Variants in PLXNA2 observed in about 807,000 individuals in gnomAD.
The protein encoded by PLXNA2 is plexin A2.
PLXNA2 carries 91 observed loss-of-function variants against 193.5 expected under a neutral mutation model. The observed-to-expected ratio is 0.47, with a 90% CI of 0.40 to 0.56. The LOEUF (loss-of-function observed/expected upper bound fraction) is 0.56. PLXNA2 is among the 20% of genes least tolerant of loss of function. The pLI is 0.00. For missense variants in PLXNA2, 1,995 were observed against 2,503.2 expected, an observed-to-expected ratio of 0.80 and a Z score of 4.33; for synonymous variants, 997 against 1,027.3, an observed-to-expected ratio of 0.97 and a Z score of 0.56.
intron 12 of PLXNA2, among the ~76,000 whole-genome samples, chr1:208,071,058 T>C (rs1463327187): frequency 1.3e-5 from 2 of 152,184 alleles, no homozygotes; most frequent in Non-Finnish European, 2.9e-5. Context: ...CAGCGTGGCA[T>C]TGGCTGCCCC....
In PLXNA2 at chr1:208,217,253, A is replaced by C. The variant is rs1253506250; in HGVS notation, c.670T>G (p.Ser224Ala). ...GTGTCTGAAGGGATCTTGATGAGAG[A>C]GGAGACAAAATCGCTGTGTAGCTCA... ...DYELHSDFVSSLIKIPSDTLA... is the reference protein window; with the variant it reads ...DYELHSDFVSALIKIPSDTLA... Residue 224 changes from serine (S) to alanine (A), a missense_variant, in exon 2 of 32, where the codon TCT becomes GCT. Ser to Ala is a moderately conservative substitution (Grantham distance 99, BLOSUM62 1). Transcript: ENST00000367033. This position sits in a 1 kb window ranked among gnomAD's most constrained non-coding sequence, Gnocchi z 4.7. The C allele has an allele frequency of 6.2e-7, 1 of 1,614,100 alleles. No homozygotes were observed. The highest frequency in any genetic ancestry group is 8.5e-7 in the Non-Finnish European group (1 of 1,180,004).
rs562857888 is a variant in PLXNA2, at chr1:208,157,403, T to C, written c.1372-14940A>G. 2.0e-5 allele frequency among the ~76,000 whole-genome samples: 3 copies of C among 152,372 alleles called. No homozygotes were observed. In the South Asian group the frequency reaches 6.2e-4, roughly 32 times the overall value. On this transcript the variant is annotated intron_variant, in intron 3 of 31. Coordinates refer to ENST00000367033, the MANE Select transcript of PLXNA2 (RefSeq NM_025179.4). Reference sequence around the variant, plus strand: ...AGATATGAATACACACAAATAATTATGCTCAGGTCTTTTCTTTGTACCCTA... The same window carrying C: ...AGATATGAATACACACAAATAATTACGCTCAGGTCTTTTCTTTGTACCCTA...
intron 13 of PLXNA2, among the ~76,000 whole-genome samples, chr1:208,056,164 G>A (rs556151254): frequency 2.0e-5 from 3 of 152,330 alleles, no homozygotes; most frequent in Admixed American, 6.5e-5. Flanking sequence ...CTGGCAACCC[G>A]CTGCTGTTTC....
At chr1:208,200,685 G>A (rs550514831) in intron 3 of PLXNA2, among the ~76,000 whole-genome samples, 5 of 146,370 alleles carry the variant, frequency 3.4e-5, no homozygotes, top group Non-Finnish European at 6.0e-5. Context: ...TCCGCCTCCC[G>A]GCTTCAAGCG....
chr1:208,137,548 A>G (rs913681199), intron 4 of PLXNA2, among the ~76,000 whole-genome samples: 3 of 152,182 alleles, frequency 2.0e-5, no homozygotes, highest in African/African-American at 7.2e-5. Context: ...ATGCATGCCC[A>G]TAACATCTGC....
At chr1:208,216,661 G>C (rs1189269035) in intron 2 of PLXNA2, 74 bp downstream of exon 2, 6 of 1,511,996 alleles carry the variant, frequency 4.0e-6, no homozygotes, top group Non-Finnish European at 5.3e-6. Context: ...GAGCAGATGT[G>C]CCCCAGGGCA....
chr1:208,163,974 C>T (rs1278010291), intron 3 of PLXNA2, among the ~76,000 whole-genome samples: 3 of 152,318 alleles, frequency 2.0e-5, no homozygotes, highest in Non-Finnish European at 4.4e-5. Context: ...ACAAAGGGGC[C>T]GCTTCCCCCC....
At chr1:208,034,330 T>C (rs1404516908) in intron 27 of PLXNA2, among the ~76,000 whole-genome samples, 163 bp downstream of exon 27, 2 of 152,176 alleles carry the variant, frequency 1.3e-5, no homozygotes, top group Non-Finnish European at 2.9e-5. Flanking sequence ...GCAGGCTGCC[T>C]GGGAATGCCT....
Position 208,236,817 on chromosome 1 carries a change from A to G in PLXNA2, c.-81+6826T>C, listed in dbSNP as rs1204043824. 6.6e-6 allele frequency among the ~76,000 whole-genome samples: 1 copy of G among 152,164 alleles called. No individual in the cohort carries two copies. Among genetic ancestry groups the G allele is most frequent in the African/African-American group, 2.4e-5 (1 of 41,446 alleles). ...GGGGGCAAGAACTCCTTCTCTTCGG[A>G]AATACAAGACTACACATACCCACAT... On this transcript the variant is annotated intron_variant, in intron 1 of 31. Coordinates refer to ENST00000367033, the MANE Select transcript of PLXNA2 (RefSeq NM_025179.4). This position sits in a 1 kb window ranked among gnomAD's most constrained non-coding sequence, Gnocchi z 4.4.
intron 4 of PLXNA2, among the ~76,000 whole-genome samples, chr1:208,110,148 C>T (rs972945798): frequency 3.3e-5 from 5 of 152,214 alleles, no homozygotes; most frequent in Non-Finnish European, 5.9e-5. Context: ...TGGCCTTATT[C>T]TCTCAGGCAG....
intron 4 of PLXNA2, among the ~76,000 whole-genome samples, chr1:208,138,554 C>T (rs1158935600): frequency 6.6e-6 from 1 of 152,246 alleles, no homozygotes; most frequent in Non-Finnish European, 1.5e-5. Flanking sequence ...CGAAGATGCT[C>T]ATATGAGCAC....
chr1:208,091,817 C>A (rs922449704), intron 9 of PLXNA2, among the ~76,000 whole-genome samples: 1 of 144,004 alleles, frequency 6.9e-6, no homozygotes. Context: ...TTGCAGTGAG[C>A]GGAGATCACG....
intron 12 of PLXNA2, among the ~76,000 whole-genome samples, chr1:208,061,565 C>T (rs752918442): frequency 2.0e-5 from 3 of 152,188 alleles, no homozygotes; most frequent in Non-Finnish European, 2.9e-5. Flanking sequence ...CTGCAAAAAA[C>T]ATCCTATGAC....
chr1:208,100,503 T>C (rs1667060815), intron 5 of PLXNA2, among the ~76,000 whole-genome samples: 1 of 152,094 alleles, frequency 6.6e-6, no homozygotes, highest in Non-Finnish European at 1.5e-5. Context: ...TTAATGATGC[T>C]GATAATGATT....
intron 4 of PLXNA2, among the ~76,000 whole-genome samples, chr1:208,107,851 C>T (rs575103557): frequency 1.9e-4 from 29 of 152,210 alleles, no homozygotes; most frequent in East Asian, 5.8e-4. Context: ...TCTCCTGCCC[C>T]CTATGGCCTT....
chr1:208,078,380 C>T (rs776486682), intron 12 of PLXNA2, among the ~76,000 whole-genome samples: 2 of 152,076 alleles, frequency 1.3e-5, no homozygotes, highest in African/African-American at 2.4e-5. Context: ...AGGTGAGGAC[C>T]AGAGTTGCTT....
intron 4 of PLXNA2, among the ~76,000 whole-genome samples, chr1:208,117,362 C>A (rs1213543185): frequency 6.6e-6 from 1 of 152,144 alleles, no homozygotes; most frequent in East Asian, 1.9e-4. Context: ...CTTGGGAGGT[C>A]ACCGCTCCCA....
chr1:208,238,052 A>G (rs1391111901), intron 1 of PLXNA2, among the ~76,000 whole-genome samples: 1 of 152,208 alleles, frequency 6.6e-6, no homozygotes, highest in Non-Finnish European at 1.5e-5. Context: ...ACTATGGTTG[A>G]GAGGGAGGCT....
intron 3 of PLXNA2, among the ~76,000 whole-genome samples, chr1:208,179,776 T>C (rs1284304031): frequency 6.6e-6 from 1 of 152,132 alleles, no homozygotes; most frequent in East Asian, 1.9e-4. Flanking sequence ...TTCTGTACTC[T>C]CTCCTGCTGC....
Sources: gnomAD v4.1 joint callset for allele counts (sites outside exome capture counted in the v4.1 genomes callset) on GRCh38, gnomAD v4.1.1 for gene constraint, Gnocchi (gnomAD v3.1) non-coding constraint, MANE v1.5 for transcripts, NCBI Gene and HGNC (gene_info 2026-07-23, HGNC 2026-07-21) for gene names.